The following TENM1 variants were observed in gnomAD, a reference collection of about 807,000 sequenced individuals.
The protein encoded by TENM1 is teneurin-1.
In TENM1, 35 loss-of-function variants were observed where a neutral mutation model predicts 174.8. That is an observed-to-expected ratio of 0.20 (90% CI 0.15 to 0.27). The LOEUF (loss-of-function observed/expected upper bound fraction) is 0.27. TENM1 is among the 10% of genes least tolerant of loss of function. The pLI, the probability that TENM1 is intolerant of heterozygous loss-of-function variation, is 1.00. For synonymous variants in TENM1, 781 were observed against 798.7 expected, an observed-to-expected ratio of 0.98 and a Z score of 0.37; for missense variants, 1,633 against 2,130.1, an observed-to-expected ratio of 0.77 and a Z score of 4.59.
intron 3 of TENM1, among the ~76,000 whole-genome samples, chrX:124,752,579 C>A (rs2054105581): frequency 8.9e-6 from 1 of 111,802 alleles, no homozygotes; most frequent in South Asian, 3.8e-4. Flanking sequence ...TGCCTATGTC[C>A]TGAATGGTAA....
At chrX:124,405,372 T>C (rs1417398712) in intron 26 of TENM1, 106 bp from the exon 30 acceptor site, 4 of 593,099 alleles carry the variant, frequency 6.7e-6, no homozygotes, top group South Asian at 5.6e-5. Flanking sequence ...GATAAGCAGG[T>C]GGGGTGCTGT....
At chrX:124,396,304 C>CTTTTTTTTTTTTTTTTTTT (rs1257692658) in intron 27 of TENM1, among the ~76,000 whole-genome samples, 3 of 70,465 alleles carry the variant, frequency 4.3e-5, no homozygotes, top group Admixed American at 1.8e-4. Context: ...CTCTCCCAAC[C>CTTTTTTTTTTTTTTTTTTT]TTTTTTTTTT....
chrX:124,520,705 G>A (rs1452540898), exon 18 of TENM1: 3 of 1,207,096 alleles, frequency 2.5e-6, no homozygotes, highest in African/African-American at 3.5e-5. Flanking sequence ...CCGTAGCAGG[G>A]TTTTATACCC....
the TENM1 span, among the ~76,000 whole-genome samples, chrX:125,055,036 C>T: frequency 5.0e-3 from 554 of 111,731 alleles, no homozygotes; most frequent in African/African-American, 0.017. Context: ...ATATCCGTCA[C>T]TTTCTAAATT....
the TENM1 span, among the ~76,000 whole-genome samples, chrX:125,189,395 A>G: frequency 8.9e-6 from 1 of 112,468 alleles, no homozygotes; most frequent in Non-Finnish European, 1.9e-5. Flanking sequence ...AGAATGTTTG[A>G]CAGGACCATC....
At chrX:125,021,113 C>T in the TENM1 span, among the ~76,000 whole-genome samples, 1 of 110,243 alleles carries the variant, frequency 9.1e-6, no homozygotes, top group Non-Finnish European at 1.9e-5. Context: ...GTTTTTTTTG[C>T]CTTAAAAGAG....
the TENM1 span, among the ~76,000 whole-genome samples, chrX:125,174,677 T>C: frequency 4.5e-5 from 5 of 111,478 alleles, no homozygotes; most frequent in East Asian, 5.6e-4. Flanking sequence ...TCATCTGCCA[T>C]ATCTAAAGGC....
chrX:125,137,528 G>A, the TENM1 span, among the ~76,000 whole-genome samples: 1 of 108,570 alleles, frequency 9.2e-6, no homozygotes, highest in Non-Finnish European at 1.9e-5. Context: ...GCTTGGGAGA[G>A]ACAGAGATCG....
At chrX:124,663,807 C>T (rs1473445470) in intron 6 of TENM1, among the ~76,000 whole-genome samples, 1 of 106,963 alleles carries the variant, frequency 9.3e-6, no homozygotes, top group Non-Finnish European at 1.9e-5. Flanking sequence ...GAATGAAACA[C>T]TAAACATATA....
chrX:124,425,327 A>G (rs2060699087), intron 23 of TENM1, among the ~76,000 whole-genome samples: 1 of 112,086 alleles, frequency 8.9e-6, no homozygotes, highest in South Asian at 3.7e-4. Context: ...TCTGCAACTC[A>G]CCAGCATTTT....
chrX:124,881,013 G>A (rs746308737), intron 3 of TENM1, among the ~76,000 whole-genome samples: 2 of 111,550 alleles, frequency 1.8e-5, no homozygotes, highest in East Asian at 2.8e-4. Context: ...TGTGACTTTC[G>A]TGGTTTTAGT....
the TENM1 span, among the ~76,000 whole-genome samples, chrX:124,977,502 G>C: frequency 2.7e-5 from 3 of 111,195 alleles, no homozygotes; most frequent in Admixed American, 9.6e-5. Context: ...CCCATTTTAA[G>C]TGTAAAATTC....
chrX:124,922,542 A>G (rs1211016009), intron 1 of TENM1, among the ~76,000 whole-genome samples: 2 of 110,524 alleles, frequency 1.8e-5, no homozygotes, highest in African/African-American at 6.6e-5. Context: ...TCCTGAGTTG[A>G]AAGATTTTTT....
chrX:124,599,831 G>T (rs186620491), intron 11 of TENM1, among the ~76,000 whole-genome samples: 2 of 110,302 alleles, frequency 1.8e-5, no homozygotes, highest in East Asian at 5.7e-4. Context: ...ATATATAAAG[G>T]ATAAGGGGAT....
chrX:125,160,137 T>C, the TENM1 span, among the ~76,000 whole-genome samples: 6 of 103,048 alleles, frequency 5.8e-5, no homozygotes, highest in African/African-American at 1.4e-4. Context: ...GAGGCAGAGA[T>C]TGTAGTGAGC....
chrX:124,580,532 A>G (rs999120655), intron 11 of TENM1, among the ~76,000 whole-genome samples: 1 of 109,599 alleles, frequency 9.1e-6, no homozygotes, highest in Non-Finnish European at 1.9e-5. Context: ...ACACATACAC[A>G]CAGAGTTAGG....
chrX:124,802,854 A>G lies in TENM1; in HGVS notation c.536-65657T>C, dbSNP rs138521275. On this transcript the variant is annotated intron_variant, in intron 3 of 31. Coordinates refer to ENST00000422452, the Ensembl canonical transcript of TENM1. ...CTGCAAAGTAGGGTGCAGCAGAAGG[A>G]TGTGCTTGTTGCCAAGTTATTTCTA... is the stretch of plus-strand genomic sequence containing the variant. 7.0e-3 allele frequency among the ~76,000 whole-genome samples: 780 copies of G among 111,960 alleles called. 5 individuals are homozygous for G. Among genetic ancestry groups the G allele is most frequent in the African/African-American group, 0.024 (741 of 30,800 alleles).
chrX:124,727,283 T>C (rs993332302), intron 4 of TENM1, among the ~76,000 whole-genome samples: 8 of 112,345 alleles, frequency 7.1e-5, no homozygotes, highest in Non-Finnish European at 3.8e-5. Context: ...GTAAGATTCA[T>C]TTTGGTAAAT....
intron 25 of TENM1, among the ~76,000 whole-genome samples, chrX:124,412,457 T>C (rs1040889718): frequency 2.3e-4 from 26 of 112,407 alleles, no homozygotes; most frequent in African/African-American, 8.1e-4. Context: ...AGAGTTAAAC[T>C]GTTCAAGATA....
Sources: gnomAD v4.1 joint callset for allele counts (sites outside exome capture counted in the v4.1 genomes callset) on GRCh38, gnomAD v4.1.1 for gene constraint, MANE v1.5 for transcripts, NCBI Gene and HGNC (gene_info 2026-07-23, HGNC 2026-07-21) for gene names.